The following RASAL2 variants were observed in gnomAD, a reference collection of about 807,000 sequenced individuals.
The protein encoded by RASAL2 is RAS protein activator like 2.
In RASAL2, 58 loss-of-function variants were observed where a neutral mutation model predicts 128.9. That is an observed-to-expected ratio of 0.45 (90% CI 0.36 to 0.56). The LOEUF (loss-of-function observed/expected upper bound fraction) is 0.56, where lower values mean the gene tolerates loss of function less well. Among genes scored for constraint, RASAL2 ranks in the 20% least tolerant of loss-of-function variants. The pLI, the probability that RASAL2 is intolerant of heterozygous loss-of-function variation, is 0.00. For synonymous variants in RASAL2, 561 were observed against 580.8 expected (o/e 0.97, Z 0.49); for missense variants, 1,360 against 1,601.6 (o/e 0.85, Z 2.57).
intron 2 of RASAL2, among the ~76,000 whole-genome samples, chr1:178,285,103 C>CTTTTTTTTT (rs58901015): frequency 1.2e-4 from 10 of 81,954 alleles, no homozygotes; most frequent in East Asian, 3.4e-4. Flanking sequence ...TTGCTACTTT[C>CTTTTTTTTT]TTTTTTTTTT....
chr1:178,369,683 A>G (rs1671596030), intron 3 of RASAL2, among the ~76,000 whole-genome samples: 1 of 152,236 alleles, frequency 6.6e-6, no homozygotes, highest in Admixed American at 6.5e-5. Context: ...TAAGAAGACC[A>G]ATGGTATGAA....
In RASAL2 at chr1:178,464,278, G is replaced by T. The variant is rs760021765; in HGVS notation, c.3253G>T (p.Val1085Phe). 4 of 1,606,592 alleles carry T rather than the reference G, an allele frequency of 2.5e-6. No individual in the cohort carries two copies. The highest frequency in any genetic ancestry group is 2.2e-5 in the East Asian group (1 of 44,666). ...RAIQRQQTQQ[V>F]QSPVDSATMS... The stretch of plus-strand genomic sequence containing the variant: ...ATGCTAATAACTGTTTCTGATGCAG[G>T]TTCAGTCACCTGTGGACTCTGCCAC... The change falls in exon 15 of 18, where the codon GTT becomes TTT. Residue 1085 changes from valine to phenylalanine, a missense_variant and splice_region_variant. By Grantham distance (50) the Val-to-Phe change is conservative. Transcript: ENST00000367649.
intron 1 of RASAL2, among the ~76,000 whole-genome samples, chr1:178,173,179 A>T (rs1386500413): frequency 2.0e-5 from 3 of 152,068 alleles, no homozygotes; most frequent in Non-Finnish European, 4.4e-5. Flanking sequence ...ACCTCTAGTT[A>T]CTGTAGTAAC....
chr1:178,202,621 C>T (rs1662910366), intron 1 of RASAL2, among the ~76,000 whole-genome samples: 1 of 152,164 alleles, frequency 6.6e-6, no homozygotes, highest in South Asian at 2.1e-4. Context: ...GCCGGATGGT[C>T]AGGGACTTGG....
chr1:178,142,515 G>A (rs1021662435), intron 1 of RASAL2, among the ~76,000 whole-genome samples: 2 of 152,172 alleles, frequency 1.3e-5, no homozygotes, highest in Non-Finnish European at 2.9e-5. Flanking sequence ...ATTTCGTATG[G>A]GCTAAGTCCT....
intron 3 of RASAL2, among the ~76,000 whole-genome samples, chr1:178,307,965 C>T (rs1342120380): frequency 1.3e-5 from 2 of 152,156 alleles, no homozygotes; most frequent in African/African-American, 4.8e-5. Context: ...AGTCCTCAAA[C>T]AGAAAGTTCA....
At chr1:178,208,370 G>C (rs1663128070) in intron 1 of RASAL2, among the ~76,000 whole-genome samples, 1 of 152,112 alleles carries the variant, frequency 6.6e-6, no homozygotes, top group Admixed American at 6.5e-5. Flanking sequence ...TTCCTTGGGG[G>C]AGGTCTATAA....
At chr1:178,439,258 A>G (rs1676465679) in intron 5 of RASAL2, among the ~76,000 whole-genome samples, 164 bp from the exon 6 acceptor site, 1 of 152,124 alleles carries the variant, frequency 6.6e-6, no homozygotes, top group African/African-American at 2.4e-5. Flanking sequence ...TTTGCCACAT[A>G]AATATGATTA....
At chr1:178,446,631 C>A (rs1238156204) in intron 9 of RASAL2, among the ~76,000 whole-genome samples, 1 of 152,096 alleles carries the variant, frequency 6.6e-6, no homozygotes, top group Non-Finnish European at 1.5e-5. Flanking sequence ...TCAACAGCCA[C>A]GTGTGACTAT....
chr1:178,121,489 GTTTTC>G (rs1418758956), intron 1 of RASAL2, among the ~76,000 whole-genome samples: 3 of 150,844 alleles, frequency 2.0e-5, no homozygotes, highest in Non-Finnish European at 4.4e-5. Context: ...ATCATTGGTT[GTTTTC>G]TTTTTTTTTT....
intron 1 of RASAL2, among the ~76,000 whole-genome samples, chr1:178,228,270 A>G (rs536470534): frequency 6.6e-6 from 1 of 152,222 alleles, no homozygotes; most frequent in South Asian, 2.1e-4. Context: ...TCTGAATTAA[A>G]TAGGGAAGCT....
At chr1:178,364,727 GAT>G (rs1305565439) in intron 3 of RASAL2, among the ~76,000 whole-genome samples, 1 of 152,124 alleles carries the variant, frequency 6.6e-6, no homozygotes, top group African/African-American at 2.4e-5. Flanking sequence ...CTATTTGCTT[GAT>G]ATTTTGTTAG....
intron 3 of RASAL2, among the ~76,000 whole-genome samples, chr1:178,323,977 G>T (rs899684021): frequency 5.3e-5 from 8 of 152,192 alleles, no homozygotes; most frequent in Non-Finnish European, 1.0e-4. Context: ...TGTCTGGAAG[G>T]ATACCTTTAC....
chr1:178,106,365 T>G (rs1465514485), intron 1 of RASAL2, among the ~76,000 whole-genome samples: 1 of 152,206 alleles, frequency 6.6e-6, no homozygotes, highest in Non-Finnish European at 1.5e-5. Flanking sequence ...CTTGACTGTG[T>G]ACAACTTTAT....
chr1:178,157,958 C>T (rs1018984561), intron 1 of RASAL2, among the ~76,000 whole-genome samples: 11 of 152,100 alleles, frequency 7.2e-5, no homozygotes, highest in African/African-American at 2.4e-4. Flanking sequence ...TTAAAAAAAA[C>T]ACCTTGCTAG....
chr1:178,464,882 G>T, intron 15 of RASAL2, among the ~76,000 whole-genome samples: 1 of 115,840 alleles, frequency 8.6e-6, no homozygotes, highest in Non-Finnish European at 1.6e-5. Context: ...AGAATGTATA[G>T]CTCTATAAAT....
chr1:178,467,753 G>A (rs1329469797), intron 17 of RASAL2, among the ~76,000 whole-genome samples: 1 of 152,210 alleles, frequency 6.6e-6, no homozygotes, highest in Non-Finnish European at 1.5e-5. Flanking sequence ...CACTGCATGT[G>A]CCTGGCTTGT....
At chr1:178,205,150 G>A (rs181746451) in intron 1 of RASAL2, among the ~76,000 whole-genome samples, 200 of 152,156 alleles carry the variant, frequency 1.3e-3, no homozygotes, top group Non-Finnish European at 2.2e-3. Flanking sequence ...GATTATAGGC[G>A]TACGCTTCCA....
In RASAL2 at chr1:178,420,536, G is replaced by C; in HGVS notation, c.590G>C (p.Gly197Ala). The change falls in exon 5 of 18, where the codon GGC becomes GCC. Residue 197 changes from glycine (G) to alanine (A), a missense_variant. Gly to Ala is a moderately conservative substitution (Grantham distance 60). Around this residue, in one of 3 missense-constraint regions of RASAL2, gnomAD observed 617 missense variants for 714.2 expected, o/e 0.86. Coordinates refer to ENST00000367649, the MANE Select transcript of RASAL2 (RefSeq NM_170692.4). ...VPGFFSKRLK[G>A]SIKRTKSQSK... The stretch of plus-strand genomic sequence containing the variant: ...GGATTCTTCAGCAAGCGCCTGAAAG[G>C]CTCCATCAAGAGGACCAAAAGCCAG... 6.2e-7 allele frequency: 1 copy of C among 1,612,470 alleles called. No homozygotes were observed. Among genetic ancestry groups the C allele is most frequent in the Non-Finnish European group, 8.5e-7 (1 of 1,179,114 alleles).
Sources: allele counts gnomAD v4.1 joint callset (sites outside exome capture counted in the v4.1 genomes callset), GRCh38; gene constraint gnomAD v4.1.1; regional missense constraint gnomAD v4.1.1; transcripts MANE v1.5; gene names NCBI Gene and HGNC (gene_info 2026-07-23, HGNC 2026-07-21).